RALGAPA1: variants seen among roughly 807,000 people sequenced by gnomAD.
The protein encoded by RALGAPA1 is ral GTPase-activating protein subunit alpha-1.
In RALGAPA1, 52 loss-of-function variants were observed where a neutral mutation model predicts 269.6. The observed-to-expected ratio is 0.19, with a 90% CI of 0.15 to 0.24. RALGAPA1 has a LOEUF of 0.24. RALGAPA1 is among the 10% of genes least tolerant of loss of function. The probability of loss-of-function intolerance (pLI) is 1.00; values close to 1 mark genes in which losing one functional copy is unlikely to be tolerated. For synonymous variants in RALGAPA1, 817 were observed against 1,008.3 expected, an observed-to-expected ratio of 0.81 and a Z score of 3.60; for missense variants, 1,917 against 3,013.9, an observed-to-expected ratio of 0.64 and a Z score of 8.52.
At chr14:35,724,686 A>C (rs1488464197) in intron 14 of RALGAPA1, among the ~76,000 whole-genome samples, 1 of 152,206 alleles carries the variant, frequency 6.6e-6, no homozygotes, top group Non-Finnish European at 1.5e-5. Context: ...CAGTCAGGTC[A>C]TTATCCCTAA....
chr14:35,550,456 C>T (rs2054890433), intron 39 of RALGAPA1, among the ~76,000 whole-genome samples: 2 of 151,706 alleles, frequency 1.3e-5, no homozygotes, highest in African/African-American at 4.8e-5. Context: ...TAAAAAAATG[C>T]AATTTAATTA....
intron 39 of RALGAPA1, among the ~76,000 whole-genome samples, chr14:35,560,918 G>C (rs953964988): frequency 1.3e-5 from 2 of 152,034 alleles, no homozygotes; most frequent in Non-Finnish European, 2.9e-5. Flanking sequence ...ATCTTTAAAG[G>C]TATGCAGTAC....
intron 6 of RALGAPA1, among the ~76,000 whole-genome samples, chr14:35,757,121 T>TATTA (rs112603338): frequency 2.9e-4 from 40 of 137,164 alleles, no homozygotes; most frequent in Admixed American, 2.2e-3. Flanking sequence ...TTATTATTAT[T>TATTA]TTTTTTTTTT....
chr14:35,557,814 C>A (rs1390115357), intron 39 of RALGAPA1, among the ~76,000 whole-genome samples: 2 of 152,102 alleles, frequency 1.3e-5, no homozygotes, highest in African/African-American at 4.8e-5. Context: ...AAAAAATTTA[C>A]AGATTTAAAA....
chr14:35,690,881 C>T (rs1387303665), intron 17 of RALGAPA1, among the ~76,000 whole-genome samples: 1 of 151,954 alleles, frequency 6.6e-6, no homozygotes, highest in African/African-American at 2.4e-5. Context: ...ACCAGCCTGA[C>T]CAACATGGAG....
rs2061334602 is a variant in RALGAPA1, at chr14:35,631,120, A to G, written c.5996-3169T>C. ...CCCTTCCCTAATTATAACCTAGAAT[A>G]TAATAAATGTTCACACTATAAGGGG... is the stretch of plus-strand genomic sequence containing the variant. On this transcript the variant is annotated intron_variant, in intron 33 of 41. Coordinates refer to ENST00000680220, the MANE Select transcript of RALGAPA1 (RefSeq NM_001346249.2). 2.0e-5 allele frequency among the ~76,000 whole-genome samples: 3 copies of G among 152,206 alleles called. No homozygotes were observed. The South Asian group carries it at 6.2e-4, about 32-fold the overall frequency.
At chr14:35,801,935 C>T (rs1311200855) in intron 1 of RALGAPA1, among the ~76,000 whole-genome samples, 2 of 152,148 alleles carry the variant, frequency 1.3e-5, no homozygotes, top group African/African-American at 4.8e-5. Context: ...AAATAAAGGG[C>T]ATCCAGATTA....
In RALGAPA1 at chr14:35,673,603, G is replaced by A. The variant is rs576454550; in HGVS notation, c.4917+577C>T. ...AGAATTAAAATTTTTTTTTTGAGAC[G>A]GAGTTTCGCTCTCATCACACAGGCT... On this transcript the variant is annotated intron_variant, in intron 24 of 41. Coordinates refer to ENST00000680220, the MANE Select transcript of RALGAPA1 (RefSeq NM_001346249.2). Among the ~76,000 whole-genome samples, 61 of 151,676 alleles carry A rather than the reference G, an allele frequency of 4.0e-4. No homozygotes were observed. In the East Asian group the frequency reaches 0.011, roughly 27 times the overall value.
chr14:35,793,066 C>T (rs1207880585), intron 1 of RALGAPA1, among the ~76,000 whole-genome samples: 3 of 151,994 alleles, frequency 2.0e-5, no homozygotes, highest in Middle Eastern at 3.4e-3. Flanking sequence ...TGTGAGGTTG[C>T]CCCATAGACA....
chr14:35,750,249 TAAG>T (rs2072549019), intron 9 of RALGAPA1, among the ~76,000 whole-genome samples: 2 of 152,238 alleles, frequency 1.3e-5, no homozygotes, highest in African/African-American at 2.4e-5. Context: ...AATACAGAAA[TAAG>T]AAGCTGAGAC....
intron 1 of RALGAPA1, among the ~76,000 whole-genome samples, chr14:35,797,859 T>A (rs75623254): frequency 8.2e-5 from 12 of 145,634 alleles, no homozygotes; most frequent in South Asian, 4.5e-4. Context: ...AAAAAAAAAA[T>A]AGCTAAAAGA....
intron 37 of RALGAPA1, among the ~76,000 whole-genome samples, chr14:35,595,283 T>C (rs2058864698): frequency 6.6e-6 from 1 of 152,090 alleles, no homozygotes; most frequent in African/African-American, 2.4e-5. Flanking sequence ...TTAGCTGTTC[T>C]TGTCATACAC....
intron 1 of RALGAPA1, among the ~76,000 whole-genome samples, chr14:35,783,231 A>G (rs2075573505): frequency 6.6e-6 from 1 of 152,178 alleles, no homozygotes; most frequent in Admixed American, 6.5e-5. Flanking sequence ...AACAATTGAG[A>G]GTTCAGAAAT....
chr14:35,595,065 G>A (rs923212896), intron 37 of RALGAPA1, among the ~76,000 whole-genome samples: 8 of 151,514 alleles, frequency 5.3e-5, no homozygotes, highest in African/African-American at 1.9e-4. Flanking sequence ...ATATTGCATG[G>A]TATCACTTAT....
chr14:35,581,923 T>G (rs1421192846), intron 37 of RALGAPA1, among the ~76,000 whole-genome samples: 1 of 152,212 alleles, frequency 6.6e-6, no homozygotes, highest in Non-Finnish European at 1.5e-5. Flanking sequence ...AATAGATATT[T>G]GTATGCCAAT....
intron 26 of RALGAPA1, among the ~76,000 whole-genome samples, chr14:35,669,799 T>C (rs528711262): frequency 6.6e-6 from 1 of 152,324 alleles, no homozygotes; most frequent in East Asian, 1.9e-4. Context: ...CAAAGTATTA[T>C]CCAGTTTATT....
chr14:35,562,429 C>T (rs993810170), intron 39 of RALGAPA1, among the ~76,000 whole-genome samples: 7 of 152,138 alleles, frequency 4.6e-5, no homozygotes, highest in African/African-American at 1.4e-4. Context: ...CATTTTTCTC[C>T]CTAAGAGATC....
chr14:35,690,089 G>T, intron 17 of RALGAPA1, 86 bp from the exon 18 acceptor site: 1 of 994,566 alleles, frequency 1.0e-6, no homozygotes, highest in Non-Finnish European at 1.4e-6. Flanking sequence ...TAAAGCATAT[G>T]CTTTAAAAAA....
intron 1 of RALGAPA1, among the ~76,000 whole-genome samples, chr14:35,799,866 T>C (rs1738364674): frequency 6.6e-6 from 1 of 152,098 alleles, no homozygotes; most frequent in African/African-American, 2.4e-5. Flanking sequence ...ACTTCACATA[T>C]AAAAACACAA....
Sources: gnomAD v4.1 joint callset for allele counts (sites outside exome capture counted in the v4.1 genomes callset) on GRCh38, gnomAD v4.1.1 for gene constraint, MANE v1.5 for transcripts, NCBI Gene and HGNC (gene_info 2026-07-23, HGNC 2026-07-21) for gene names.